MRTFB: variants seen among roughly 807,000 people sequenced by gnomAD.
The protein encoded by MRTFB is myocardin related transcription factor B, also known as myocardin-related transcription factor B.
In MRTFB, 29 loss-of-function variants were observed where a neutral mutation model predicts 104.2. That is an observed-to-expected ratio of 0.28 (90% CI 0.21 to 0.38). The LOEUF is 0.38. MRTFB is among the 10% of genes least tolerant of loss of function. The pLI is 1.00. For synonymous variants in MRTFB, 535 were observed against 519.5 expected, an observed-to-expected ratio of 1.03 and a Z score of -0.41; for missense variants, 1,270 against 1,341.6, an observed-to-expected ratio of 0.95 and a Z score of 0.83.
At chr16:14,040,312 C>T in the MRTFB span, among the ~76,000 whole-genome samples, 1 of 152,022 alleles carries the variant, frequency 6.6e-6, no homozygotes, top group African/African-American at 2.4e-5. Context: ...CTTACATGTC[C>T]TAGGATAAAT....
chr16:14,092,199 T>C (rs1302414041), intron 2 of MRTFB, among the ~76,000 whole-genome samples: 2 of 152,138 alleles, frequency 1.3e-5, no homozygotes, highest in African/African-American at 4.8e-5. Flanking sequence ...TTGACTTGGC[T>C]TCCTTCACTA....
intron 3 of MRTFB, among the ~76,000 whole-genome samples, chr16:14,178,092 C>T (rs1426551899): frequency 1.3e-5 from 2 of 152,006 alleles, no homozygotes; most frequent in East Asian, 3.9e-4. Context: ...CACAAAGGAT[C>T]CTAGTGGAGA....
At chr16:14,159,972 T>G (rs73516923) in intron 3 of MRTFB, among the ~76,000 whole-genome samples, 9,740 of 148,582 alleles carry the variant, frequency 0.066, 631 homozygotes, top group African/African-American at 0.16. Flanking sequence ...ACAAATAAAT[T>G]ACAGGTATGC....
chr16:14,160,198 T>C (rs1054630156), intron 3 of MRTFB, among the ~76,000 whole-genome samples: 6 of 152,212 alleles, frequency 3.9e-5, no homozygotes, highest in African/African-American at 1.4e-4. Context: ...AGTTGTCATA[T>C]GTCTTATTTA....
chr16:14,258,289 T>C (rs1341732393), intron 16 of MRTFB, 128 bp downstream of exon 16: 1 of 745,886 alleles, frequency 1.3e-6, no homozygotes, highest in Non-Finnish European at 2.2e-6. Flanking sequence ...CTGAATTTAC[T>C]GTTTTAAAAT....
At chr16:14,206,929 TAA>T (rs572155149) in intron 3 of MRTFB, among the ~76,000 whole-genome samples, 1 of 137,904 alleles carries the variant, frequency 7.3e-6, no homozygotes. Flanking sequence ...AGATAAAAGC[TAA>T]AAAAAAAAAA....
intron 3 of MRTFB, among the ~76,000 whole-genome samples, chr16:14,150,594 T>C (rs2038565324): frequency 6.6e-6 from 1 of 152,176 alleles, no homozygotes; most frequent in East Asian, 1.9e-4. Flanking sequence ...ACCCCTGTAG[T>C]GCCAGCTATT....
chr16:14,046,226 C>T, the MRTFB span, among the ~76,000 whole-genome samples: 22 of 152,080 alleles, frequency 1.4e-4, no homozygotes, highest in Non-Finnish European at 2.5e-4. Context: ...CTCCGGAGGC[C>T]GAGATGGGAG....
the MRTFB span, among the ~76,000 whole-genome samples, chr16:14,041,483 C>T: frequency 1.3e-4 from 20 of 152,144 alleles, no homozygotes; most frequent in Non-Finnish European, 2.2e-4. Flanking sequence ...AATGTTCATC[C>T]GTGTTGTAGC....
intron 3 of MRTFB, among the ~76,000 whole-genome samples, chr16:14,145,057 T>C (rs184104173): frequency 6.7e-6 from 1 of 150,262 alleles, no homozygotes; most frequent in Admixed American, 6.6e-5. Flanking sequence ...TAATTTTTTT[T>C]AAATCTAAGT....
At chr16:14,024,611 A>G in the MRTFB span, among the ~76,000 whole-genome samples, 3 of 152,236 alleles carry the variant, frequency 2.0e-5, no homozygotes. Context: ...ACGAAGAAGG[A>G]TGGCCATTGC....
intron 3 of MRTFB, among the ~76,000 whole-genome samples, chr16:14,207,717 A>G (rs1416559499): frequency 1.3e-5 from 2 of 152,216 alleles, no homozygotes; most frequent in Admixed American, 6.5e-5. Context: ...ACCATGCCCT[A>G]TGTGTCTCTT....
chr16:14,189,623 A>G (rs751436931), intron 3 of MRTFB, among the ~76,000 whole-genome samples: 5 of 152,162 alleles, frequency 3.3e-5, no homozygotes, highest in Non-Finnish European at 7.4e-5. Context: ...GTGGTTTTCT[A>G]CTCATTTTTG....
chr16:14,154,075 G>A (rs1435984435), intron 3 of MRTFB, among the ~76,000 whole-genome samples: 3 of 152,174 alleles, frequency 2.0e-5, no homozygotes, highest in Non-Finnish European at 4.4e-5. Context: ...GCTCATGCCT[G>A]TAATTTCAAC....
At chr16:14,047,214 G>A in the MRTFB span, among the ~76,000 whole-genome samples, 1 of 152,194 alleles carries the variant, frequency 6.6e-6, no homozygotes, top group East Asian at 1.9e-4. Flanking sequence ...TTAAACCCCA[G>A]GGCTTTATCT....
At chr16:14,116,547 C>T (rs897549084) in intron 2 of MRTFB, among the ~76,000 whole-genome samples, 2 of 152,140 alleles carry the variant, frequency 1.3e-5, no homozygotes, top group African/African-American at 4.8e-5. Flanking sequence ...TCACACTTGG[C>T]CTCTGACATT....
the MRTFB span, among the ~76,000 whole-genome samples, chr16:14,006,275 G>C: frequency 1.3e-5 from 2 of 152,110 alleles, no homozygotes; most frequent in African/African-American, 4.8e-5. Flanking sequence ...GCCGGGAGGC[G>C]GAGGTTGCAG....
chr16:14,181,254 C>G (rs1311045308), intron 3 of MRTFB, among the ~76,000 whole-genome samples: 1 of 151,824 alleles, frequency 6.6e-6, no homozygotes, highest in Non-Finnish European at 1.5e-5. Flanking sequence ...TAGTAACAGT[C>G]TAAAGGTATA....
chr16:14,031,636 G>C, the MRTFB span, among the ~76,000 whole-genome samples: 2 of 152,088 alleles, frequency 1.3e-5, no homozygotes, highest in Admixed American at 1.3e-4. Flanking sequence ...CCCAGCTCCT[G>C]GTCAGAGCCA....
Sources: allele counts gnomAD v4.1 joint callset (sites outside exome capture counted in the v4.1 genomes callset), GRCh38; gene constraint gnomAD v4.1.1; transcripts MANE v1.5; gene names NCBI Gene and HGNC (gene_info 2026-07-23, HGNC 2026-07-21).